Variants in SGPP1 observed in about 807,000 individuals in gnomAD.
SGPP1 encodes the protein hSPP1.
Under a neutral mutation model 33.0 loss-of-function variants are expected in SGPP1, and 21 were observed. That is an observed-to-expected ratio of 0.64 (90% confidence interval 0.45 to 0.92). The LOEUF is 0.92. Among genes scored for constraint, SGPP1 ranks in the 40% least tolerant of loss-of-function variants. SGPP1 has a pLI of 0.00. For missense variants in SGPP1, 543 were observed against 589.4 expected (o/e 0.92, Z 0.81); for synonymous variants, 239 against 241.2 (o/e 0.99, Z 0.08).
chr14:63,717,338 G>A (rs531882195), intron 1 of SGPP1, among the ~76,000 whole-genome samples: 11 of 146,568 alleles, frequency 7.5e-5, no homozygotes, highest in East Asian at 2.0e-4. Flanking sequence ...TTTTTGAGAC[G>A]GAGTCTCACT....
At position 63,684,458 on chromosome 14, in the gene SGPP1, T is replaced by C. The variant is rs1411533641; in HGVS notation, c.*1647A>G. 6.6e-6 allele frequency: 1 copy of C among 152,202 alleles called. No individual in the cohort carries two copies. The highest frequency in any genetic ancestry group is 1.5e-5 in the Non-Finnish European group (1 of 67,928). The allele number at this position is 152,202 out of a possible 1,614,324, so 9.4% of individuals were successfully genotyped here. ...CGTACCAATATTTTCCTACATGCCT[T>C]GGTTTCCTTTTAACTAATAAGTAAA... On this transcript the variant is annotated 3_prime_UTR_variant, in exon 3 of 3. Coordinates refer to ENST00000247225, the MANE Select transcript of SGPP1 (RefSeq NM_030791.4).
intron 1 of SGPP1, among the ~76,000 whole-genome samples, chr14:63,701,324 T>G (rs958128631): frequency 6.6e-6 from 1 of 152,132 alleles, no homozygotes; most frequent in Non-Finnish European, 1.5e-5. Flanking sequence ...ATTGCAATTT[T>G]GGGATTAAGT....
At chr14:63,711,711 C>T (rs548279206) in intron 1 of SGPP1, among the ~76,000 whole-genome samples, 2 of 152,256 alleles carry the variant, frequency 1.3e-5, no homozygotes, top group South Asian at 4.2e-4. Flanking sequence ...TTCAGAAAAA[C>T]ATCTAGATGT....
chr14:63,686,692 T>C (rs376991713), intron 2 of SGPP1, 36 bp from the exon 3 acceptor site: 2 of 1,388,862 alleles, frequency 1.4e-6, no homozygotes, highest in African/African-American at 1.5e-5. Flanking sequence ...TTTAGTATAA[T>C]ACTGAATATT....
intron 2 of SGPP1, among the ~76,000 whole-genome samples, chr14:63,696,905 G>A (rs1566818767): frequency 6.6e-6 from 1 of 152,184 alleles, no homozygotes; most frequent in Non-Finnish European, 1.5e-5. Flanking sequence ...AGAATTGCTT[G>A]AACCTGGGAG....
intron 1 of SGPP1, among the ~76,000 whole-genome samples, chr14:63,700,795 T>A (rs1309062704): frequency 6.6e-6 from 1 of 152,142 alleles, no homozygotes; most frequent in African/African-American, 2.4e-5. Flanking sequence ...TTTTGGCCAG[T>A]GAGCTGGGGA....
chr14:63,717,833 T>A (rs1885667380), intron 1 of SGPP1, among the ~76,000 whole-genome samples: 1 of 152,172 alleles, frequency 6.6e-6, no homozygotes, highest in Non-Finnish European at 1.5e-5. Flanking sequence ...GAGAAAATTT[T>A]AAAACCAGCC....
chr14:63,721,419 G>A (rs924001527), intron 1 of SGPP1, among the ~76,000 whole-genome samples: 2 of 151,942 alleles, frequency 1.3e-5, no homozygotes, highest in African/African-American at 4.8e-5. Flanking sequence ...ACTCCAGCCT[G>A]GTGACAAGAA....
chr14:63,719,208 G>A (rs1885718172), intron 1 of SGPP1, among the ~76,000 whole-genome samples: 1 of 149,832 alleles, frequency 6.7e-6, no homozygotes, highest in Non-Finnish European at 1.5e-5. Context: ...TGTATTTTTA[G>A]TAGAGACAGG....
intron 1 of SGPP1, among the ~76,000 whole-genome samples, chr14:63,702,519 G>C (rs1049050958): frequency 2.0e-5 from 3 of 152,028 alleles, no homozygotes; most frequent in African/African-American, 7.2e-5. Context: ...AGACCAGCCT[G>C]GCCAACAGGA....
intron 1 of SGPP1, among the ~76,000 whole-genome samples, chr14:63,707,104 A>C (rs1418943285): frequency 6.6e-6 from 1 of 151,840 alleles, no homozygotes; most frequent in African/African-American, 2.4e-5. Flanking sequence ...TAAATGAGAA[A>C]AATATAATTT....
intron 2 of SGPP1, among the ~76,000 whole-genome samples, chr14:63,692,064 G>T (rs1342765257): frequency 6.6e-6 from 1 of 152,220 alleles, no homozygotes. Context: ...AGAAGCAGAT[G>T]ATATATAATT....
intron 1 of SGPP1, among the ~76,000 whole-genome samples, chr14:63,708,259 T>C (rs1039329018): frequency 1.4e-5 from 2 of 144,784 alleles, no homozygotes; most frequent in African/African-American, 5.2e-5. Flanking sequence ...TCCTTTTTTT[T>C]TTTTTTTTTT....
chr14:63,685,916 A>T lies in SGPP1; in HGVS notation c.*189T>A. On this transcript the variant is annotated 3_prime_UTR_variant, in exon 3 of 3. Coordinates refer to ENST00000247225, the MANE Select transcript of SGPP1 (RefSeq NM_030791.4). ...CTTATCATTTTCTCAGTAACGAAAT[A>T]GCTCAGCTCACCTAAAACAGTATCT... is the stretch of plus-strand genomic sequence containing the variant. 3 of 409,236 alleles carry T rather than the reference A, an allele frequency of 7.3e-6. No individual in the cohort carries two copies. Among genetic ancestry groups the T allele is most frequent in the Non-Finnish European group, 1.3e-5 (3 of 233,156 alleles). The allele number at this position is 409,236 out of a possible 1,614,324, so 25.4% of individuals were successfully genotyped here.
chr14:63,703,307 G>T (rs1326899834), intron 1 of SGPP1, among the ~76,000 whole-genome samples: 1 of 151,958 alleles, frequency 6.6e-6, no homozygotes, highest in Non-Finnish European at 1.5e-5. Context: ...ACTTAACTAA[G>T]GAAGTGAAAG....
At chr14:63,692,264 T>C (rs1885106196) in intron 2 of SGPP1, among the ~76,000 whole-genome samples, 1 of 152,252 alleles carries the variant, frequency 6.6e-6, no homozygotes, top group Non-Finnish European at 1.5e-5. Flanking sequence ...TTCAAAAGTG[T>C]GCAAATTTGA....
intron 1 of SGPP1, among the ~76,000 whole-genome samples, chr14:63,716,560 G>C (rs754453736): frequency 2.0e-5 from 3 of 151,954 alleles, no homozygotes; most frequent in African/African-American, 7.2e-5. Context: ...AGGCATGGTG[G>C]CACACACCTG....
In SGPP1 at chr14:63,689,944, CAT is replaced by C. The variant is rs1885059201; in HGVS notation, c.775-3290_775-3289del. Reference sequence around the variant, plus strand: ...GTTATCGGTCATTCACTTTCACAATCATGTAATATTCTGCTGCATCATTATAC... The same window carrying C: ...GTTATCGGTCATTCACTTTCACAATCGTAATATTCTGCTGCATCATTATAC... On this transcript the variant is annotated intron_variant, in intron 2 of 2. Coordinates refer to ENST00000247225, the MANE Select transcript of SGPP1 (RefSeq NM_030791.4). 2.0e-5 allele frequency among the ~76,000 whole-genome samples: 3 copies of C among 152,322 alleles called. No homozygotes were observed. The East Asian group carries it at 5.8e-4, about 29-fold the overall frequency.
rs574983010 is a variant in SGPP1, at chr14:63,703,523, C to G, written c.685-4865G>C. On this transcript the variant is annotated intron_variant, in intron 1 of 2. Coordinates refer to ENST00000247225, the MANE Select transcript of SGPP1 (RefSeq NM_030791.4). ...CAAAAATTAGCTGGGCGTGGTGGCG[C>G]GTGCCTGTAGTCCCAGCTACTTGGG... 2.5e-4 allele frequency among the ~76,000 whole-genome samples: 38 copies of G among 151,740 alleles called. 1 individual carries two copies. In the South Asian group the frequency reaches 7.1e-3, roughly 28 times the overall value.
Sources: allele counts gnomAD v4.1 joint callset (sites outside exome capture counted in the v4.1 genomes callset), GRCh38; gene constraint gnomAD v4.1.1; transcripts MANE v1.5; gene names NCBI Gene and HGNC (gene_info 2026-07-23, HGNC 2026-07-21).